Variants in CTNND2 observed in about 807,000 individuals in gnomAD.
CTNND2 encodes catenin delta-2.
A neutral mutation model predicts 144.4 loss-of-function variants in CTNND2; 22 were observed. The ratio of observed to expected loss-of-function variants is 0.15; its 90% confidence interval spans 0.11 to 0.22. CTNND2 has a LOEUF of 0.22. CTNND2 is among the 10% of genes least tolerant of loss of function. The pLI is 1.00. For synonymous variants in CTNND2, 751 were observed against 695.6 expected, an observed-to-expected ratio of 1.08 and a Z score of -1.25; for missense variants, 1,353 against 1,618.8, an observed-to-expected ratio of 0.84 and a Z score of 2.82.
intron 3 of CTNND2, among the ~76,000 whole-genome samples, chr5:11,514,020 A>C (rs2150029221): frequency 6.6e-6 from 1 of 152,238 alleles, no homozygotes; most frequent in South Asian, 2.1e-4. Flanking sequence ...CTCTACAAAA[A>C]TTTAAAAAAA....
intron 10 of CTNND2, among the ~76,000 whole-genome samples, chr5:11,213,291 A>G (rs551563235): frequency 2.6e-5 from 4 of 152,216 alleles, no homozygotes; most frequent in East Asian, 1.9e-4. Context: ...AAAAAGGAAA[A>G]GCTTAAGTTC....
intron 3 of CTNND2, among the ~76,000 whole-genome samples, chr5:11,415,132 T>A (rs1416302375): frequency 6.6e-6 from 1 of 152,230 alleles, no homozygotes; most frequent in Non-Finnish European, 1.5e-5. Context: ...TGAATAGCAG[T>A]TCTGCTTTTA....
chr5:11,102,506 T>C (rs141759856), intron 14 of CTNND2, among the ~76,000 whole-genome samples: 40 of 152,270 alleles, frequency 2.6e-4, no homozygotes, highest in Middle Eastern at 3.4e-3. Context: ...AACAAACCAA[T>C]AGATTGATTT....
intron 3 of CTNND2, among the ~76,000 whole-genome samples, chr5:11,522,644 C>A (rs144257491): frequency 1.3e-4 from 20 of 152,300 alleles, no homozygotes; most frequent in African/African-American, 4.6e-4. Context: ...TGAAATTGCA[C>A]ATAGAGAACA....
intron 12 of CTNND2, among the ~76,000 whole-genome samples, chr5:11,144,530 G>A (rs979785674): frequency 1.3e-5 from 2 of 152,140 alleles, no homozygotes; most frequent in Admixed American, 6.6e-5. Flanking sequence ...GGGCACAAAG[G>A]GCTGAGTGAG....
chr5:11,797,388 G>A (rs1410155840), intron 1 of CTNND2, among the ~76,000 whole-genome samples: 1 of 152,176 alleles, frequency 6.6e-6, no homozygotes, highest in African/African-American at 2.4e-5. Context: ...AGGATAAGTG[G>A]AATTAATTTT....
intron 13 of CTNND2, among the ~76,000 whole-genome samples, chr5:11,116,264 T>A (rs1030031403): frequency 1.3e-5 from 2 of 152,156 alleles, no homozygotes; most frequent in South Asian, 4.1e-4. Flanking sequence ...GCAGGACATG[T>A]GGCAATGTCT....
At chr5:11,822,439 A>C (rs1385060710) in intron 1 of CTNND2, among the ~76,000 whole-genome samples, 2 of 152,192 alleles carry the variant, frequency 1.3e-5, no homozygotes, top group African/African-American at 2.4e-5. Flanking sequence ...AATATATTCA[A>C]ACAATACATG....
chr5:11,293,203 T>C (rs1174110050), intron 9 of CTNND2, among the ~76,000 whole-genome samples: 2 of 152,158 alleles, frequency 1.3e-5, no homozygotes, highest in East Asian at 3.9e-4. Flanking sequence ...CATCTGTGAT[T>C]AGAAAGCCCA....
intron 12 of CTNND2, among the ~76,000 whole-genome samples, chr5:11,124,937 CAGCACG>C (rs747123134): frequency 2.6e-5 from 4 of 152,176 alleles, no homozygotes; most frequent in Admixed American, 2.6e-4. Flanking sequence ...CTGCTTGGAG[CAGCACG>C]CTGCTCTCCT....
At chr5:11,056,828 G>T (rs1388709238) in intron 16 of CTNND2, among the ~76,000 whole-genome samples, 1 of 152,222 alleles carries the variant, frequency 6.6e-6, no homozygotes, top group Non-Finnish European at 1.5e-5. Flanking sequence ...TGCTCAGCCT[G>T]GGCTGTGTAT....
intron 9 of CTNND2, among the ~76,000 whole-genome samples, chr5:11,273,796 G>A (rs1476013824): frequency 2.6e-5 from 4 of 152,104 alleles, no homozygotes; most frequent in Non-Finnish European, 4.4e-5. Flanking sequence ...ATGAAGCAGC[G>A]TAGGTTAGCT....
intron 16 of CTNND2, among the ~76,000 whole-genome samples, chr5:11,075,334 GAA>G (rs1748830155): frequency 6.6e-6 from 1 of 152,228 alleles, no homozygotes; most frequent in Admixed American, 6.5e-5. Flanking sequence ...AAAGTGAAAA[GAA>G]AGCCCAGCGT....
intron 1 of CTNND2, among the ~76,000 whole-genome samples, chr5:11,834,529 G>A (rs1794070928): frequency 6.6e-6 from 1 of 151,940 alleles, no homozygotes; most frequent in Non-Finnish European, 1.5e-5. Context: ...AAACATCATG[G>A]TGCACCCCAT....
At chr5:11,236,207 C>G (rs1023911424) in intron 10 of CTNND2, among the ~76,000 whole-genome samples, 3 of 152,198 alleles carry the variant, frequency 2.0e-5, no homozygotes, top group Non-Finnish European at 4.4e-5. Flanking sequence ...TAAATAGCAC[C>G]AAACACTTGG....
At chr5:11,462,481 T>C (rs61758948) in intron 3 of CTNND2, among the ~76,000 whole-genome samples, 2 of 152,144 alleles carry the variant, frequency 1.3e-5, no homozygotes, top group South Asian at 2.1e-4. Flanking sequence ...AGGAGTCCGA[T>C]AGTGTCATTA....
chr5:11,491,503 C>T (rs1305769460), intron 3 of CTNND2, among the ~76,000 whole-genome samples: 1 of 152,184 alleles, frequency 6.6e-6, no homozygotes, highest in Non-Finnish European at 1.5e-5. Context: ...CAGGTCCCAG[C>T]ACTAGGAAGG....
chr5:11,030,754 G>GTTTTTTT (rs61312361), intron 16 of CTNND2, among the ~76,000 whole-genome samples: 74 of 100,350 alleles, frequency 7.4e-4, no homozygotes, highest in East Asian at 2.4e-3. Flanking sequence ...TATGGTTTCT[G>GTTTTTTT]TTTTTTTTTT....
intron 1 of CTNND2, among the ~76,000 whole-genome samples, chr5:11,862,161 A>T (rs1035123896): frequency 1.3e-5 from 2 of 152,224 alleles, no homozygotes; most frequent in African/African-American, 4.8e-5. Flanking sequence ...TTCCACATTT[A>T]TATTATCTAA....
Sources: allele counts gnomAD v4.1 joint callset (sites outside exome capture counted in the v4.1 genomes callset), GRCh38; gene constraint gnomAD v4.1.1; transcripts MANE v1.5; gene names NCBI Gene and HGNC (gene_info 2026-07-23, HGNC 2026-07-21).